LPIN1: variants seen among roughly 807,000 people sequenced by gnomAD.
LPIN1 encodes the protein lipin 1.
Under a neutral mutation model 107.5 loss-of-function variants are expected in LPIN1, and 71 were observed. The observed-to-expected ratio is 0.66, with a 90% CI of 0.55 to 0.80. The LOEUF (loss-of-function observed/expected upper bound fraction) is 0.80, where lower values mean the gene tolerates loss of function less well. LPIN1 is among the 30% of genes least tolerant of loss of function. The probability of loss-of-function intolerance (pLI) is 0.00; values close to 1 mark genes in which losing one functional copy is unlikely to be tolerated. For synonymous variants in LPIN1, 445 were observed against 452.6 expected (o/e 0.98, Z 0.21); for missense variants, 1,043 against 1,160.6 (o/e 0.90, Z 1.47).
At chr2:11,795,676 G>C (rs1676583272) in intron 14 of LPIN1, among the ~76,000 whole-genome samples, 189 bp downstream of exon 14, 1 of 152,206 alleles carries the variant, frequency 6.6e-6, no homozygotes, top group Admixed American at 6.5e-5. Flanking sequence ...TGCTCCCTTA[G>C]ATAGCTAATT....
chr2:11,784,861 T>C (rs753293783), intron 9 of LPIN1, 25 bp from the exon 10 acceptor site: 34 of 1,612,536 alleles, frequency 2.1e-5, no homozygotes, highest in Non-Finnish European at 2.8e-5. Flanking sequence ...CCTCAGCCGG[T>C]CTCTGCCGCT....
At chr2:11,811,371 G>A (rs1018107254) in intron 17 of LPIN1, among the ~76,000 whole-genome samples, 7 of 152,224 alleles carry the variant, frequency 4.6e-5, no homozygotes, top group African/African-American at 1.7e-4. Context: ...TGGGGCACTT[G>A]TTGGCATTGC....
intron 1 of LPIN1, among the ~76,000 whole-genome samples, chr2:11,687,285 G>A (rs1366730660): frequency 1.3e-5 from 2 of 152,078 alleles, no homozygotes; most frequent in South Asian, 2.1e-4. Flanking sequence ...ATCCTGATCT[G>A]TTTTTAAACA....
intron 1 of LPIN1, among the ~76,000 whole-genome samples, chr2:11,734,790 A>G (rs1257002853): frequency 6.6e-6 from 1 of 152,216 alleles, no homozygotes; most frequent in Non-Finnish European, 1.5e-5. Context: ...ACAGAGAAAG[A>G]ATTTACAGTG....
At chr2:11,709,418 G>A (rs942916019) in intron 1 of LPIN1, among the ~76,000 whole-genome samples, 10 of 152,204 alleles carry the variant, frequency 6.6e-5, no homozygotes, top group East Asian at 3.8e-4. Flanking sequence ...ACAAGTTAGC[G>A]ACACCAGCGC....
At position 11,824,996 on chromosome 2, in the gene LPIN1, C is replaced by G; in HGVS notation, c.*205C>G. 1.6e-6 allele frequency: 1 copy of G among 614,304 alleles called. No homozygotes were observed. Among genetic ancestry groups the G allele is most frequent in the South Asian group, 1.9e-5 (1 of 51,366 alleles). The allele number at this position is 614,304 out of a possible 1,614,324, so 38.1% of individuals were successfully genotyped here. Reference sequence around the variant, plus strand: ...AGATAGGAAGGGAGCACTTTCTAGGCTAGGAGTTGGGTGCATTTGTACCGT... The same window carrying G: ...AGATAGGAAGGGAGCACTTTCTAGGGTAGGAGTTGGGTGCATTTGTACCGT... On this transcript the variant is annotated 3_prime_UTR_variant, in exon 21 of 21. Coordinates refer to ENST00000674199, the MANE Select transcript of LPIN1 (RefSeq NM_001349206.2).
intron 1 of LPIN1, chr2:11,713,649 G>A (rs903784728): frequency 2.2e-5 from 14 of 638,568 alleles, no homozygotes; most frequent in South Asian, 8.0e-5. Context: ...TGTTCAAAAT[G>A]TAGAGTTCAG....
chr2:11,813,939 G>A (rs1680122855), intron 17 of LPIN1, among the ~76,000 whole-genome samples: 1 of 151,852 alleles, frequency 6.6e-6, no homozygotes, highest in Non-Finnish European at 1.5e-5. Context: ...AAAAAAAAAA[G>A]TGAAATGGAC....
At chr2:11,823,956 C>G (rs912007879) in intron 20 of LPIN1, among the ~76,000 whole-genome samples, 2 of 152,144 alleles carry the variant, frequency 1.3e-5, no homozygotes, top group African/African-American at 4.8e-5. Flanking sequence ...GACCGTCATG[C>G]CAACCAGGGC....
rs1161123867 is a variant in LPIN1, at chr2:11,787,162, G to A, written c.1638G>A (p.Gly546=). 10 of 1,611,358 alleles carry A rather than the reference G, an allele frequency of 6.2e-6. No homozygotes were observed. Among genetic ancestry groups the A allele is most frequent in the Non-Finnish European group, 7.6e-6 (9 of 1,177,420 alleles). ...ACCCCAATCTCGTGGTAAAGATTGG[G>A]AGTAAGTAAGTACCTCTTGAAAGTC... is the stretch of plus-strand genomic sequence containing the variant. The part of the protein sequence containing the change: ...IDDPNLVVKI[G]SKYYNWTTAA... The change falls in exon 11 of 21, where the codon GGG becomes GGA. Residue 546 remains glycine, a synonymous_variant. Coordinates refer to ENST00000674199, the MANE Select transcript of LPIN1 (RefSeq NM_001349206.2).
intron 4 of LPIN1, 84 bp from the exon 5 acceptor site, chr2:11,773,536 G>C (rs1159813891): frequency 1.7e-6 from 2 of 1,184,424 alleles, no homozygotes; most frequent in Non-Finnish European, 2.5e-6. Flanking sequence ...AAAGCACTTA[G>C]AGCTAATCAA....
chr2:11,689,576 A>C (rs1296505516), intron 1 of LPIN1, among the ~76,000 whole-genome samples: 3 of 152,164 alleles, frequency 2.0e-5, no homozygotes, highest in Non-Finnish European at 4.4e-5. Flanking sequence ...CACAGAACAA[A>C]ATTATATTCT....
intron 1 of LPIN1, among the ~76,000 whole-genome samples, chr2:11,731,248 C>A (rs1314737800): frequency 6.6e-6 from 1 of 151,878 alleles, no homozygotes; most frequent in Non-Finnish European, 1.5e-5. Flanking sequence ...CCCTGACTGG[C>A]CCCGGTGTGT....
chr2:11,755,351 G>T (rs1668507457), intron 1 of LPIN1, among the ~76,000 whole-genome samples: 2 of 152,000 alleles, frequency 1.3e-5, no homozygotes, highest in African/African-American at 4.8e-5. Context: ...GGTGCATCTT[G>T]CTGTTTTACA....
At position 11,746,670 on chromosome 2, in the gene LPIN1, C is replaced by T. The variant is rs576446683; in HGVS notation, c.-11C>T. 5.2e-5 allele frequency: 51 copies of T among 984,734 alleles called. No homozygotes were observed. Among genetic ancestry groups the T allele is most frequent in the South Asian group, 1.4e-4 (3 of 21,266 alleles). The allele number at this position is 984,734 out of a possible 1,614,324, so 61.0% of individuals were successfully genotyped here. A position where few individuals can be genotyped will look rare whatever the true frequency, so the allele number is the denominator to read the frequency against. ...AAAGGCGGCCACGCGCGGCGCCGCT[C>T]GGTGAGTAGCCGCCGCCTCCAGCCT... On this transcript the variant is annotated splice_region_variant and 5_prime_UTR_variant, in exon 1 of 21. Coordinates refer to ENST00000674199, the MANE Select transcript of LPIN1 (RefSeq NM_001349206.2).
At chr2:11,764,957 C>G (rs207461521) in intron 1 of LPIN1, among the ~76,000 whole-genome samples, 4 of 152,300 alleles carry the variant, frequency 2.6e-5, no homozygotes, top group East Asian at 1.9e-4. Flanking sequence ...GGTCAAGGCT[C>G]TCTGTGCTGG....
At chr2:11,723,736 C>T (rs1233954108), upstream of LPIN1, 3 of 152,156 alleles carry the variant, frequency 2.0e-5, no homozygotes, top group Non-Finnish European at 4.4e-5. Flanking sequence ...CAGGGTCACA[C>T]CTGAGCAGAC....
chr2:11,778,056 C>T (rs1259193360), intron 6 of LPIN1, among the ~76,000 whole-genome samples: 1 of 152,154 alleles, frequency 6.6e-6, no homozygotes, highest in Non-Finnish European at 1.5e-5. Flanking sequence ...GCCACCAAAG[C>T]GTTGTCTCTT....
rs12989707 is a variant in LPIN1, at chr2:11,765,121, A to C, written c.-9-412A>C. ...TGGTCCATGATGGGCCATGGTGGAC[A>C]CTGATGGGCCGTAATGGGCCATGAT... On this transcript the variant is annotated intron_variant, in intron 1 of 20. Coordinates refer to ENST00000674199, the MANE Select transcript of LPIN1 (RefSeq NM_001349206.2). The surrounding 1 kb of genome is among the most constrained non-coding windows in gnomAD (Gnocchi z 4.4). Among the ~76,000 whole-genome samples the C allele has an allele frequency of 6.7e-6, 1 of 148,958 alleles. No individual in the cohort carries two copies. Among genetic ancestry groups the C allele is most frequent in the Non-Finnish European group, 1.5e-5 (1 of 67,258 alleles).
Sources: gnomAD v4.1 joint callset for allele counts (sites outside exome capture counted in the v4.1 genomes callset) on GRCh38, gnomAD v4.1.1 for gene constraint, Gnocchi (gnomAD v3.1) non-coding constraint, MANE v1.5 for transcripts, NCBI Gene and HGNC (gene_info 2026-07-23, HGNC 2026-07-21) for gene names.